The following TENM1 variants were observed in gnomAD, a reference collection of about 807,000 sequenced individuals.
TENM1 encodes the protein teneurin transmembrane protein 1, also known as teneurin-1.
Under a neutral mutation model 174.8 loss-of-function variants are expected in TENM1, and 35 were observed. The observed-to-expected ratio is 0.20, with a 90% CI of 0.15 to 0.27. TENM1 has a LOEUF of 0.27. Among genes scored for constraint, TENM1 ranks in the 10% least tolerant of loss-of-function variants. The pLI is 1.00. For missense variants in TENM1, 1,633 were observed against 2,130.1 expected (o/e 0.77, Z 4.59); for synonymous variants, 781 against 798.7 (o/e 0.98, Z 0.37).
chrX:125,115,327 A>T, the TENM1 span, among the ~76,000 whole-genome samples: 1 of 111,750 alleles, frequency 8.9e-6, no homozygotes, highest in Non-Finnish European at 1.9e-5. Flanking sequence ...GAAAACTGGC[A>T]CAAGACAAGG....
intron 18 of TENM1, among the ~76,000 whole-genome samples, chrX:124,516,256 CA>C (rs2047701610): frequency 8.9e-6 from 1 of 111,808 alleles, no homozygotes; most frequent in African/African-American, 3.2e-5. Flanking sequence ...CCCTGGAAGA[CA>C]ATCTAGGTAA....
chrX:124,607,640 TTA>T (rs2050190915), intron 11 of TENM1, among the ~76,000 whole-genome samples: 1 of 110,455 alleles, frequency 9.1e-6, no homozygotes, highest in South Asian at 3.8e-4. Context: ...GCCCTGTAGA[TTA>T]TAGTGAGGAA....
chrX:124,466,447 C>T (rs188873116), intron 22 of TENM1, among the ~76,000 whole-genome samples: 53 of 111,979 alleles, frequency 4.7e-4, no homozygotes, highest in Non-Finnish European at 8.1e-4. Context: ...CCAGCATTTC[C>T]AGGAACTAGG....
At chrX:124,694,554 A>G (rs1398095929) in intron 5 of TENM1, among the ~76,000 whole-genome samples, 2 of 112,022 alleles carry the variant, frequency 1.8e-5, no homozygotes, top group Non-Finnish European at 3.8e-5. Context: ...TAAAAGGCCA[A>G]TGTTACCCTA....
chrX:125,107,863 A>AT, the TENM1 span, among the ~76,000 whole-genome samples: 1 of 111,919 alleles, frequency 8.9e-6, no homozygotes, highest in South Asian at 3.7e-4. Flanking sequence ...AACTTTATAC[A>AT]TTCCCCCTGG....
chrX:124,462,369 G>C (rs767054987), intron 22 of TENM1, among the ~76,000 whole-genome samples: 43 of 96,718 alleles, frequency 4.4e-4, no homozygotes, highest in Non-Finnish European at 6.0e-4. Flanking sequence ...ACATTAAATT[G>C]TGATGTAAGA....
chrX:124,481,124 T>A (rs140588914), intron 22 of TENM1, among the ~76,000 whole-genome samples: 1 of 111,967 alleles, frequency 8.9e-6, no homozygotes, highest in Admixed American at 9.5e-5. Context: ...CAGAAAAAAA[T>A]TGGAATTTGT....
At chrX:124,477,874 A>C (rs937729549) in intron 22 of TENM1, among the ~76,000 whole-genome samples, 1 of 111,343 alleles carries the variant, frequency 9.0e-6, no homozygotes, top group Admixed American at 9.5e-5. Flanking sequence ...TTTAAAAAAT[A>C]ACTTTTATTT....
the TENM1 span, among the ~76,000 whole-genome samples, chrX:125,015,408 C>G: frequency 3.6e-5 from 4 of 111,329 alleles, no homozygotes; most frequent in East Asian, 2.8e-4. Flanking sequence ...GTGAGTAACT[C>G]AACTTGATAA....
chrX:124,467,075 A>C (rs1386730473), intron 22 of TENM1, among the ~76,000 whole-genome samples: 8 of 111,263 alleles, frequency 7.2e-5, no homozygotes, highest in Non-Finnish European at 1.1e-4. Flanking sequence ...AAAATGGGGC[A>C]CCTACCCACC....
At chrX:125,190,558 G>T in the TENM1 span, among the ~76,000 whole-genome samples, 10 of 111,399 alleles carry the variant, frequency 9.0e-5, no homozygotes, top group Admixed American at 2.9e-4. Flanking sequence ...AGTGGATCTC[G>T]ATTATTTTCC....
intron 3 of TENM1, among the ~76,000 whole-genome samples, chrX:124,769,055 A>G: frequency 8.9e-6 from 1 of 112,352 alleles, no homozygotes. Context: ...CTTTTAAAAT[A>G]ACATTTTTAG....
chrX:124,443,042 CTATGTGTGTGTGTGTGTGTGTGTG>C (rs1215697607), intron 23 of TENM1, among the ~76,000 whole-genome samples: 33 of 42,169 alleles, frequency 7.8e-4, no homozygotes, highest in African/African-American at 3.2e-3. Context: ...GCCTGGATGA[CTATGTGTGTGTGTGTGTGTGTGTG>C]TGTGTGTGTG....
the TENM1 span, among the ~76,000 whole-genome samples, chrX:125,141,115 G>A: frequency 1.2e-4 from 14 of 112,126 alleles, no homozygotes; most frequent in African/African-American, 4.2e-4. Flanking sequence ...ATAGCTGATT[G>A]GATCAGGGTT....
At chrX:125,111,704 T>G in the TENM1 span, among the ~76,000 whole-genome samples, 2 of 111,606 alleles carry the variant, frequency 1.8e-5, no homozygotes, top group African/African-American at 6.5e-5. Flanking sequence ...AAGTAAGGAC[T>G]GGGATCAGGT....
At chrX:124,768,747 G>A (rs776482932) in intron 3 of TENM1, among the ~76,000 whole-genome samples, 1 of 112,505 alleles carries the variant, frequency 8.9e-6, no homozygotes, top group South Asian at 3.6e-4. Context: ...GGTGAAAAAT[G>A]CAAATAATAG....
At chrX:125,172,664 C>G in the TENM1 span, among the ~76,000 whole-genome samples, 1 of 94,859 alleles carries the variant, frequency 1.1e-5, no homozygotes, top group Admixed American at 1.2e-4. Context: ...GAGAGGGAGG[C>G]GTGAAACTAG....
chrX:124,737,272 G>A, intron 3 of TENM1, 75 bp from the exon 7 acceptor site: 1 of 1,037,075 alleles, frequency 9.6e-7, no homozygotes, highest in South Asian at 2.5e-5. Context: ...CAGCATGACA[G>A]ACTTACCAGG....
chrX:124,535,925 C>T (rs1438661378), intron 15 of TENM1, among the ~76,000 whole-genome samples: 5 of 112,048 alleles, frequency 4.5e-5, no homozygotes, highest in East Asian at 2.8e-4. Flanking sequence ...GAAGCCAACA[C>T]TCTGGATTGA....
Sources: allele counts gnomAD v4.1 joint callset (sites outside exome capture counted in the v4.1 genomes callset), GRCh38; gene constraint gnomAD v4.1.1; transcripts MANE v1.5; gene names NCBI Gene and HGNC (gene_info 2026-07-23, HGNC 2026-07-21).